Variants in SCAPER observed in about 807,000 individuals in gnomAD.
SCAPER encodes S-phase cyclin A associated protein in the ER, also known as S phase cyclin A-associated protein in the endoplasmic reticulum.
A neutral mutation model predicts 182.2 loss-of-function variants in SCAPER; 98 were observed. The observed-to-expected ratio is 0.54, with a 90% CI of 0.46 to 0.64. The LOEUF is 0.64. SCAPER is among the 30% of genes least tolerant of loss of function. The probability of loss-of-function intolerance (pLI) is 0.00; values close to 1 mark genes in which losing one functional copy is unlikely to be tolerated. For missense variants in SCAPER, 1,432 were observed against 1,690.0 expected, an observed-to-expected ratio of 0.85 and a Z score of 2.68; for synonymous variants, 605 against 564.6, an observed-to-expected ratio of 1.07 and a Z score of -1.01.
In SCAPER at chr15:76,574,340, A is replaced by C. The variant is rs921245976; in HGVS notation, c.2712-56T>G. 4 of 1,564,378 alleles carry C rather than the reference A, an allele frequency of 2.6e-6. No homozygotes were observed. In the African/African-American group the frequency reaches 5.4e-5, roughly 21 times the overall value. Reference sequence around the variant, plus strand: ...ATTAATGAAACAGACTATAATCTTCATTTCCCAAAACACTTTGAAACACAA... The same window carrying C: ...ATTAATGAAACAGACTATAATCTTCCTTTCCCAAAACACTTTGAAACACAA... On this transcript the variant is annotated intron_variant, in intron 22 of 31. Transcript: ENST00000563290.
At chr15:76,695,863 C>T (rs2058633061) in intron 20 of SCAPER, among the ~76,000 whole-genome samples, 1 of 151,970 alleles carries the variant, frequency 6.6e-6, no homozygotes, top group African/African-American at 2.4e-5. Flanking sequence ...TCTTCCCATA[C>T]TATTAAGGAG....
rs186012792 is a variant in SCAPER, at chr15:76,432,021, G to A, written c.3311+2057C>T. Among the ~76,000 whole-genome samples the A allele has an allele frequency of 2.0e-3, 306 of 152,322 alleles. 2 individuals carry two copies. Among genetic ancestry groups the A allele is most frequent in the Non-Finnish European group, 3.4e-3 (230 of 68,034 alleles). On this transcript the variant is annotated intron_variant, in intron 26 of 31. Transcript: ENST00000563290. ...TATAATAATGTATGTGAAAATGTACGTATTTCCCCCTGGAAGGCCCACTGG... is the reference window on the plus strand; with the variant it reads ...TATAATAATGTATGTGAAAATGTACATATTTCCCCCTGGAAGGCCCACTGG...
intron 15 of SCAPER, among the ~76,000 whole-genome samples, chr15:76,747,162 C>T (rs60921565): frequency 0.16 from 23,838 of 152,146 alleles, 2,296 homozygotes; most frequent in Middle Eastern, 0.23. Context: ...TAAGGACAGA[C>T]ATACAGACTG....
At chr15:76,614,312 A>G (rs1448915447) in intron 22 of SCAPER, among the ~76,000 whole-genome samples, 3 of 152,166 alleles carry the variant, frequency 2.0e-5, no homozygotes, top group Admixed American at 1.3e-4. Context: ...TACTTGGGTG[A>G]TAAAATATTC....
intron 9 of SCAPER, 111 bp from the exon 10 acceptor site, chr15:76,772,065 T>G: frequency 1.4e-6 from 1 of 726,592 alleles, no homozygotes; most frequent in Non-Finnish European, 2.2e-6. Flanking sequence ...GAAGAGGTAC[T>G]TGACTGGATG....
At chr15:76,627,498 G>C (rs2052698442) in intron 21 of SCAPER, among the ~76,000 whole-genome samples, 1 of 152,010 alleles carries the variant, frequency 6.6e-6, no homozygotes. Flanking sequence ...CTGTGTCCAT[G>C]TGTTCTCATT....
chr15:76,757,795 A>G (rs1197416629), intron 14 of SCAPER, among the ~76,000 whole-genome samples: 1 of 152,174 alleles, frequency 6.6e-6, no homozygotes, highest in Admixed American at 6.5e-5. Context: ...GATAATAGCC[A>G]TCCTAACAAG....
At chr15:76,754,441 C>T (rs1351558982) in intron 14 of SCAPER, among the ~76,000 whole-genome samples, 3 of 151,950 alleles carry the variant, frequency 2.0e-5, no homozygotes, top group Non-Finnish European at 4.4e-5. Context: ...TGACATCTAA[C>T]AAATCACATT....
At chr15:76,746,006 T>G (rs957489551) in intron 15 of SCAPER, among the ~76,000 whole-genome samples, 1 of 152,194 alleles carries the variant, frequency 6.6e-6, no homozygotes, top group Non-Finnish European at 1.5e-5. Context: ...GATTTACCCT[T>G]GCACTTTAAA....
At chr15:76,876,006 C>T (rs113036543) in intron 2 of SCAPER, among the ~76,000 whole-genome samples, 2,585 of 152,320 alleles carry the variant, frequency 0.017, 31 homozygotes, top group African/African-American at 0.041. Flanking sequence ...AGCGAGAAAT[C>T]GAGCGCAGCG....
intron 25 of SCAPER, among the ~76,000 whole-genome samples, chr15:76,453,592 A>G (rs1170242599): frequency 2.0e-5 from 3 of 152,234 alleles, no homozygotes; most frequent in African/African-American, 7.2e-5. Context: ...CCTATCAGGT[A>G]GCAGACAGTT....
chr15:76,574,197 A>C lies in SCAPER; in HGVS notation c.2799T>G (p.Asp933Glu). The part of the protein sequence containing the change: ...SWANNKVSAL[D>E]RTLGEITRIL... ...TTCTAGTGATCTCTCCTAGGGTCCG[A>C]TCCAAAGCAGACACTTTATTGTTTG... is the stretch of plus-strand genomic sequence containing the variant. The change falls in exon 23 of 32, where the codon GAT becomes GAG. Residue 933 changes from aspartate (D) to glutamate (E), a missense_variant. Asp to Glu is a conservative substitution (Grantham distance 45). Coordinates refer to ENST00000563290, the MANE Select transcript of SCAPER (RefSeq NM_020843.4). 6.2e-7 allele frequency: 1 copy of C among 1,610,262 alleles called. No homozygotes were observed.
intron 29 of SCAPER, among the ~76,000 whole-genome samples, chr15:76,368,598 T>C (rs2041956205): frequency 6.6e-6 from 1 of 152,154 alleles, no homozygotes; most frequent in Non-Finnish European, 1.5e-5. Flanking sequence ...TGACAGGGCG[T>C]GGTGCAGAGC....
chr15:76,483,620 C>T (rs906780719), intron 24 of SCAPER, among the ~76,000 whole-genome samples: 1 of 151,946 alleles, frequency 6.6e-6, no homozygotes, highest in Non-Finnish European at 1.5e-5. Context: ...GTATTTGTAT[C>T]CAGGATATTC....
chr15:76,886,585 G>A (rs1166037907), intron 1 of SCAPER, among the ~76,000 whole-genome samples: 1 of 152,236 alleles, frequency 6.6e-6, no homozygotes, highest in Non-Finnish European at 1.5e-5. Context: ...TTCAGCCATT[G>A]TGGAAGATAG....
intron 17 of SCAPER, among the ~76,000 whole-genome samples, chr15:76,714,981 A>C (rs984807244): frequency 3.9e-5 from 6 of 152,096 alleles, no homozygotes; most frequent in Admixed American, 2.6e-4. Context: ...TGAAAAACTC[A>C]ACATCCACCC....
At chr15:76,868,178 T>C (rs1336601906) in intron 2 of SCAPER, among the ~76,000 whole-genome samples, 2 of 152,178 alleles carry the variant, frequency 1.3e-5, no homozygotes, top group Admixed American at 6.5e-5. Flanking sequence ...GGCATCCACA[T>C]TGGAAAGGAA....
intron 1 of SCAPER, among the ~76,000 whole-genome samples, chr15:76,903,391 G>C (rs2074907171): frequency 6.6e-6 from 1 of 152,196 alleles, no homozygotes; most frequent in Admixed American, 6.5e-5. Context: ...AATTCTTGTG[G>C]AAATCCTAGT....
At chr15:76,519,247 C>A (rs1364417883) in intron 23 of SCAPER, among the ~76,000 whole-genome samples, 1 of 152,114 alleles carries the variant, frequency 6.6e-6, no homozygotes, top group Non-Finnish European at 1.5e-5. Context: ...TTTAAGTCAG[C>A]AGGCAAGTTT....
Sources: gnomAD v4.1 joint callset for allele counts (sites outside exome capture counted in the v4.1 genomes callset) on GRCh38, gnomAD v4.1.1 for gene constraint, MANE v1.5 for transcripts, NCBI Gene and HGNC (gene_info 2026-07-23, HGNC 2026-07-21) for gene names.